The following LPCAT1 variants were observed in gnomAD, a reference collection of about 807,000 sequenced individuals.
The protein encoded by LPCAT1 is lysophosphatidylcholine acyltransferase 1, also known as 1-acylglycerol-3-phosphate O-acyltransferase.
In LPCAT1, 23 loss-of-function variants were observed where a neutral mutation model predicts 60.9. The observed-to-expected ratio is 0.38, with a 90% CI of 0.27 to 0.53. The LOEUF is 0.53. Ranked by LOEUF, LPCAT1 falls within the 20% of genes least tolerant of loss-of-function variation. LPCAT1 has a pLI of 0.82. For missense variants in LPCAT1, 622 were observed against 723.6 expected (o/e 0.86, Z 1.61); for synonymous variants, 340 against 301.1 (o/e 1.13, Z -1.34).
In LPCAT1 at chr5:1,462,331, C is replaced by T. The variant is rs375069925; in HGVS notation, c.*1320G>A. The T allele has an allele frequency of 6.6e-6, 1 of 152,476 alleles. No homozygotes were observed. Among genetic ancestry groups the T allele is most frequent in the Non-Finnish European group, 1.5e-5 (1 of 68,026 alleles). 9.4% of individuals were successfully genotyped at this position (152,476 alleles called of 1,614,324 possible). The stretch of plus-strand genomic sequence containing the variant: ...AATTCTGTCATAAAAAATGATGAAA[C>T]AAGGTGATGTCAGAGGGACTTCAGG... On this transcript the variant is annotated 3_prime_UTR_variant, in exon 14 of 14. Coordinates refer to ENST00000283415, the MANE Select transcript of LPCAT1 (RefSeq NM_024830.5).
At chr5:1,500,664 C>A (rs1735971295) in intron 2 of LPCAT1, among the ~76,000 whole-genome samples, 1 of 152,184 alleles carries the variant, frequency 6.6e-6, no homozygotes. Flanking sequence ...GGGGAGCAGG[C>A]CCACTGGCCG....
intron 13 of LPCAT1, among the ~76,000 whole-genome samples, chr5:1,465,135 G>A (rs1042111113): frequency 2.1e-5 from 3 of 140,252 alleles, no homozygotes; most frequent in African/African-American, 2.7e-5. Context: ...CACAAAACAA[G>A]CGCAGGCACA....
intron 1 of LPCAT1, among the ~76,000 whole-genome samples, chr5:1,513,033 G>A (rs1736403182): frequency 6.6e-6 from 1 of 152,172 alleles, no homozygotes; most frequent in South Asian, 2.1e-4. Context: ...GAGAAATCAG[G>A]AGTAGAGAGT....
chr5:1,483,535 A>T lies in LPCAT1; in HGVS notation c.668-49T>A, dbSNP rs768611632. Reference sequence around the variant, plus strand: ...TTGCCCATGGCAGCCCACGCAGGACAGCGTCTGCTGCGTTTCTCATGCTGC... The same window carrying T: ...TTGCCCATGGCAGCCCACGCAGGACTGCGTCTGCTGCGTTTCTCATGCTGC... On this transcript the variant is annotated intron_variant, in intron 5 of 13. Coordinates refer to ENST00000283415, the MANE Select transcript of LPCAT1 (RefSeq NM_024830.5). This position sits in a 1 kb window ranked among gnomAD's most constrained non-coding sequence, Gnocchi z 9.2. The T allele has an allele frequency of 6.3e-6, 10 of 1,587,664 alleles. 1 individual carries two copies. The South Asian group carries it at 1.1e-4, about 18-fold the overall frequency.
chr5:1,501,424 C>T (rs770054382), intron 2 of LPCAT1, 37 bp downstream of exon 2: 3 of 1,578,086 alleles, frequency 1.9e-6, no homozygotes, highest in Non-Finnish European at 2.6e-6. Context: ...CGCGTGACCC[C>T]CCCCCAGGAG....
In LPCAT1 at chr5:1,523,412, G is replaced by T. The variant is rs917459182; in HGVS notation, c.135+298C>A. Among the ~76,000 whole-genome samples the T allele has an allele frequency of 4.6e-5, 7 of 151,776 alleles. No homozygotes were observed. In the East Asian group the frequency reaches 1.3e-3, roughly 29 times the overall value. On this transcript the variant is annotated intron_variant, in intron 1 of 13. Coordinates refer to ENST00000283415, the MANE Select transcript of LPCAT1 (RefSeq NM_024830.5). This position sits in a 1 kb window ranked among gnomAD's most constrained non-coding sequence, Gnocchi z 7.1. The stretch of plus-strand genomic sequence containing the variant: ...TTGTGGGCCCGGTTCAGGGTGCAGG[G>T]GTCTGGGGGGAGGAGCAGAACGCGG...
chr5:1,498,437 G>A (rs1206183489), intron 2 of LPCAT1, among the ~76,000 whole-genome samples: 4 of 152,138 alleles, frequency 2.6e-5, no homozygotes, highest in Non-Finnish European at 5.9e-5. Flanking sequence ...CAGGCAGCAC[G>A]GGCAGCTTGA....
rs1185957289 is a variant in LPCAT1, at chr5:1,495,077, G to C, written c.279-163C>G. ...ACATCTGCTTGAGGGAAGAAAAGACGCCGCGCCTTCCTGGCCTCCGCCTGT... is the reference window on the plus strand; with the variant it reads ...ACATCTGCTTGAGGGAAGAAAAGACCCCGCGCCTTCCTGGCCTCCGCCTGT... On this transcript the variant is annotated intron_variant, in intron 2 of 13. Transcript: ENST00000283415. This position sits in a 1 kb window ranked among gnomAD's most constrained non-coding sequence, Gnocchi z 4.7. 1 of 669,900 alleles carries C rather than the reference G, an allele frequency of 1.5e-6. No homozygotes were observed. The highest frequency in any genetic ancestry group is 1.8e-5 in the African/African-American group (1 of 55,076). 41.5% of individuals were successfully genotyped at this position (669,900 alleles called of 1,614,324 possible).
In LPCAT1 at chr5:1,495,483, T is replaced by G. The variant is rs151005310; in HGVS notation, c.279-569A>C. The stretch of plus-strand genomic sequence containing the variant: ...GAGGAAATTAGATGGCCAATAAATT[T>G]GGAAAATAAAGTAAAAATCAGCCTA... On this transcript the variant is annotated intron_variant, in intron 2 of 13. Coordinates refer to ENST00000283415, the MANE Select transcript of LPCAT1 (RefSeq NM_024830.5). This position sits in a 1 kb window ranked among gnomAD's most constrained non-coding sequence, Gnocchi z 4.7. 1.5e-3 allele frequency among the ~76,000 whole-genome samples: 229 copies of G among 152,214 alleles called. No individual in the cohort carries two copies. Among genetic ancestry groups the G allele is most frequent in the Non-Finnish European group, 2.5e-3 (168 of 68,008 alleles).
chr5:1,519,404 G>C (rs1234846682), intron 1 of LPCAT1, among the ~76,000 whole-genome samples: 5 of 152,208 alleles, frequency 3.3e-5, no homozygotes, highest in Admixed American at 3.3e-4. Context: ...AAAATGAAAA[G>C]TAAAGTCTTT....
In LPCAT1 at chr5:1,494,948, C is replaced by T. The variant is rs770107787; in HGVS notation, c.279-34G>A. 1.4e-5 allele frequency: 22 copies of T among 1,545,100 alleles called. No individual in the cohort carries two copies. The East Asian group carries it at 1.9e-4, about 14-fold the overall frequency. ...GAGGGCGCTGCGTCACGCGGGCACA[C>T]GTCCGCAGTCTCGGAGTCTGTGTGA... On this transcript the variant is annotated intron_variant, in intron 2 of 13. Coordinates refer to ENST00000283415, the MANE Select transcript of LPCAT1 (RefSeq NM_024830.5).
chr5:1,464,343 T>C (rs1242124421), intron 13 of LPCAT1, among the ~76,000 whole-genome samples: 1 of 152,102 alleles, frequency 6.6e-6, no homozygotes, highest in Admixed American at 6.5e-5. Context: ...GATGGCGCCA[T>C]GGAGGCTTCT....
At chr5:1,505,821 C>T (rs2927662) in intron 1 of LPCAT1, among the ~76,000 whole-genome samples, 33,873 of 152,170 alleles carry the variant, frequency 0.22, 5,789 homozygotes, top group African/African-American at 0.48. Flanking sequence ...GCTTCGTGCA[C>T]GGGGAGGACT....
At chr5:1,511,177 C>T (rs1258027514) in intron 1 of LPCAT1, among the ~76,000 whole-genome samples, 1 of 152,228 alleles carries the variant, frequency 6.6e-6, no homozygotes, top group Admixed American at 6.5e-5. Flanking sequence ...CTGTGGATCT[C>T]CACACACAGC....
intron 2 of LPCAT1, among the ~76,000 whole-genome samples, chr5:1,497,508 G>C (rs985514186): frequency 1.3e-5 from 2 of 152,260 alleles, no homozygotes; most frequent in Non-Finnish European, 2.9e-5. Context: ...CAGGCCGGTG[G>C]GGTAGGGCAA....
chr5:1,515,863 G>C (rs1387971966), intron 1 of LPCAT1, among the ~76,000 whole-genome samples: 1 of 152,180 alleles, frequency 6.6e-6, no homozygotes, highest in African/African-American at 2.4e-5. Context: ...CCTGTCCCTG[G>C]CTATGGGAGA....
At chr5:1,520,085 G>A (rs551985909) in intron 1 of LPCAT1, among the ~76,000 whole-genome samples, 1 of 152,358 alleles carries the variant, frequency 6.6e-6, no homozygotes, top group South Asian at 2.1e-4. Flanking sequence ...AGAAGCCTGA[G>A]GAACCCCCAT....
intron 9 of LPCAT1, 87 bp from the exon 10 acceptor site, chr5:1,474,772 G>T: frequency 6.0e-6 from 9 of 1,509,724 alleles, no homozygotes; most frequent in Non-Finnish European, 8.0e-6. Flanking sequence ...ATGGCTCAGG[G>T]GAGAGGAGGG....
Position 1,470,317 on chromosome 5 carries a change from G to A in LPCAT1, c.1278+509C>T, listed in dbSNP as rs569031544. The stretch of plus-strand genomic sequence containing the variant: ...CCAGACCCCACTCAGCCCCCAGGGA[G>A]CAGCGACTCCCTGTGGTGAGGCAAG... On this transcript the variant is annotated intron_variant, in intron 12 of 13. Transcript: ENST00000283415. Among the ~76,000 whole-genome samples the A allele has an allele frequency of 3.9e-5, 6 of 152,392 alleles. No homozygotes were observed. The South Asian group carries it at 1.2e-3, about 32-fold the overall frequency.
Sources: gnomAD v4.1 joint callset for allele counts (sites outside exome capture counted in the v4.1 genomes callset) on GRCh38, gnomAD v4.1.1 for gene constraint, Gnocchi (gnomAD v3.1) non-coding constraint, MANE v1.5 for transcripts, NCBI Gene and HGNC (gene_info 2026-07-23, HGNC 2026-07-21) for gene names.